Variants in MUCL1 observed in about 807,000 individuals in gnomAD.
MUCL1 encodes mucin-like protein 1.
In MUCL1, 11 loss-of-function variants were observed where a neutral mutation model predicts 9.2. That is an observed-to-expected ratio of 1.19 (90% CI 0.75 to 1.97). The LOEUF (loss-of-function observed/expected upper bound fraction) is 1.97, where lower values mean the gene tolerates loss of function less well. Ranked by LOEUF, MUCL1 falls within the 30% of genes most tolerant of loss-of-function variation. MUCL1 has a pLI of 0.00. For missense variants in MUCL1, 144 were observed against 110.9 expected (o/e 1.30, Z -1.34); for synonymous variants, 48 against 40.5 (o/e 1.19, Z -0.71).
At chr12:54,857,236 G>A (rs1592250929) in intron 3 of MUCL1, among the ~76,000 whole-genome samples, 1 of 135,214 alleles carries the variant, frequency 7.4e-6, no homozygotes, top group East Asian at 2.0e-4. Flanking sequence ...CAGGTAGTGT[G>A]TGTGTGTGTG....
At chr12:54,844,790 G>T (rs1959234452) in intron 1 of MUCL1, among the ~76,000 whole-genome samples, 1 of 152,162 alleles carries the variant, frequency 6.6e-6, no homozygotes, top group South Asian at 2.1e-4. Context: ...CAAAGCCAAA[G>T]CTACATGTTT....
intron 2 of MUCL1, 104 bp from the exon 3 acceptor site, chr12:54,856,666 G>C: frequency 6.9e-7 from 1 of 1,438,952 alleles, no homozygotes; most frequent in Non-Finnish European, 9.5e-7. Flanking sequence ...TGACAGATTT[G>C]CAGAGATGAA....
intron 1 of MUCL1, 22 bp downstream of exon 1, chr12:54,854,662 A>G: frequency 6.2e-7 from 1 of 1,603,580 alleles, no homozygotes; most frequent in Non-Finnish European, 8.5e-7. Flanking sequence ...TTCTTACCTG[A>G]ACATAAGTTT....
chr12:54,847,514 C>T (rs540192597), intron 1 of MUCL1, among the ~76,000 whole-genome samples: 2 of 152,230 alleles, frequency 1.3e-5, no homozygotes, highest in African/African-American at 2.4e-5. Context: ...ACTTGGGAGG[C>T]TAAGGCAGGA....
upstream of MUCL1, among the ~76,000 whole-genome samples, chr12:54,849,880 A>C (rs986593505): frequency 1.3e-5 from 2 of 152,194 alleles, no homozygotes; most frequent in Admixed American, 1.3e-4. Context: ...CTTCAGAAAA[A>C]TAAAGCCTCA....
chr12:54,857,678 G>T (rs2135947946), intron 3 of MUCL1, among the ~76,000 whole-genome samples: 2 of 152,126 alleles, frequency 1.3e-5, no homozygotes, highest in Middle Eastern at 6.8e-3. Context: ...AAAGAAAAAG[G>T]AAATTGCACT....
chr12:54,855,617 G>A (rs1311466591), intron 2 of MUCL1: 2 of 168,622 alleles, frequency 1.2e-5, no homozygotes, highest in South Asian at 1.5e-4. Flanking sequence ...TCAGTTCTAA[G>A]CTTTACTCTT....
At chr12:54,835,978 G>T (rs1959192552), upstream of MUCL1, among the ~76,000 whole-genome samples, 1 of 151,950 alleles carries the variant, frequency 6.6e-6, no homozygotes, top group Admixed American at 6.6e-5. Context: ...TTGGATTTGG[G>T]TTGCTATTAT....
At chr12:54,856,726 CAGA>C (rs1334580763) in intron 2 of MUCL1, 41 bp from the exon 3 acceptor site, 6 of 1,564,166 alleles carry the variant, frequency 3.8e-6, no homozygotes, top group South Asian at 1.2e-5. Context: ...AATTTTGTTC[CAGA>C]AGGAGTCAGT....
intron 2 of MUCL1, 104 bp downstream of exon 2, chr12:54,855,261 G>C (rs1342010301): frequency 2.0e-6 from 2 of 1,009,054 alleles, no homozygotes; most frequent in Non-Finnish European, 3.1e-6. Flanking sequence ...TTGTTATAAG[G>C]AATCCTAAGC....
upstream of MUCL1, among the ~76,000 whole-genome samples, chr12:54,836,598 T>G (rs985711105): frequency 2.0e-5 from 3 of 152,194 alleles, no homozygotes; most frequent in African/African-American, 7.2e-5. Flanking sequence ...GTTCTGATCT[T>G]TATTATTTCT....
At chr12:54,842,105 C>G (rs1432861176) in intron 1 of MUCL1, among the ~76,000 whole-genome samples, 1 of 152,056 alleles carries the variant, frequency 6.6e-6, no homozygotes, top group Non-Finnish European at 1.5e-5. Context: ...CTATAAATTA[C>G]TTTGGAGAGA....
chr12:54,849,326 A>C (rs554734121), intron 1 of MUCL1, among the ~76,000 whole-genome samples: 1 of 152,152 alleles, frequency 6.6e-6, no homozygotes, highest in Non-Finnish European at 1.5e-5. Context: ...ATAAATAACT[A>C]CATATAAGTT....
At chr12:54,835,726 C>T (rs1304974946), upstream of MUCL1, among the ~76,000 whole-genome samples, 1 of 151,068 alleles carries the variant, frequency 6.6e-6, no homozygotes, top group Non-Finnish European at 1.5e-5. Context: ...TCATATATGG[C>T]TTTTATTATT....
At chr12:54,838,022 A>G (rs1959196062), upstream of MUCL1, among the ~76,000 whole-genome samples, 1 of 152,196 alleles carries the variant, frequency 6.6e-6, no homozygotes, top group East Asian at 1.9e-4. Context: ...ATTGTTTTAT[A>G]GGCTCTGTGA....
intron 1 of MUCL1, among the ~76,000 whole-genome samples, chr12:54,840,819 ACCCCAC>A (rs1181522540): frequency 6.6e-6 from 1 of 151,942 alleles, no homozygotes; most frequent in Non-Finnish European, 1.5e-5. Context: ...GTGGCAGTAA[ACCCCAC>A]CCAGCTCCCA....
intron 1 of MUCL1, among the ~76,000 whole-genome samples, chr12:54,843,111 G>C (rs1959220413): frequency 6.6e-6 from 1 of 152,104 alleles, no homozygotes; most frequent in Admixed American, 6.6e-5. Flanking sequence ...AGTACACCCT[G>C]GGATGTTTGT....
chr12:54,835,415 TCTA>T (rs1233466141), upstream of MUCL1, among the ~76,000 whole-genome samples: 17 of 152,208 alleles, frequency 1.1e-4, no homozygotes, highest in Admixed American at 9.2e-4. Flanking sequence ...TACACCAACA[TCTA>T]CTGTTTTTTT....
chr12:54,831,394 T>A (rs953052073), intron 1 of MUCL1, among the ~76,000 whole-genome samples: 1 of 152,140 alleles, frequency 6.6e-6, no homozygotes, highest in African/African-American at 2.4e-5. Flanking sequence ...AGTTTAATAT[T>A]GTTAGTTTAG....
Sources: allele counts gnomAD v4.1 joint callset (sites outside exome capture counted in the v4.1 genomes callset), GRCh38; gene constraint gnomAD v4.1.1; transcripts MANE v1.5; gene names NCBI Gene and HGNC (gene_info 2026-07-23, HGNC 2026-07-21).